The following EGLN3 variants were observed in gnomAD, a reference collection of about 807,000 sequenced individuals.
EGLN3 encodes the protein egl-9 family hypoxia inducible factor 3.
In EGLN3, 15 loss-of-function variants were observed where a neutral mutation model predicts 26.0. That is an observed-to-expected ratio of 0.58 (90% CI 0.39 to 0.89). The LOEUF is 0.89. Among genes scored for constraint, EGLN3 ranks in the 40% least tolerant of loss-of-function variants. The pLI is 0.00. For missense variants in EGLN3, 238 were observed against 311.6 expected (o/e 0.76, Z 1.78); for synonymous variants, 147 against 127.2 (o/e 1.16, Z -1.05).
At chr14:33,945,461 C>A (rs1223436549) in intron 1 of EGLN3, among the ~76,000 whole-genome samples, 4 of 152,130 alleles carry the variant, frequency 2.6e-5, no homozygotes, top group Non-Finnish European at 4.4e-5. Flanking sequence ...TTCTCCCAGG[C>A]GATGAAAACA....
chr14:33,933,665 A>G (rs1437825237), intron 1 of EGLN3, among the ~76,000 whole-genome samples: 4 of 152,254 alleles, frequency 2.6e-5, no homozygotes, highest in African/African-American at 7.2e-5. Flanking sequence ...GCTTGGGCAC[A>G]TTCCCAACTA....
chr14:33,930,994 G>C, intron 2 of EGLN3, 102 bp downstream of exon 2: 1 of 1,487,406 alleles, frequency 6.7e-7, no homozygotes, highest in Non-Finnish European at 9.1e-7. Flanking sequence ...ATCAGTGGGA[G>C]ATACGGCAAC....
chr14:33,930,564 T>C (rs1476683388), intron 2 of EGLN3, among the ~76,000 whole-genome samples: 1 of 152,306 alleles, frequency 6.6e-6, no homozygotes, highest in African/African-American at 2.4e-5. Context: ...CTATAAGTTC[T>C]ATAATACAAA....
In EGLN3 at chr14:33,924,667, C is replaced by CT. The variant is rs972152515; in HGVS notation, c.*1223dup. On this transcript the variant is annotated 3_prime_UTR_variant, in exon 5 of 5. Transcript: ENST00000250457. ...TAATACTGAAAACTAGGAAAAGTAGCTTTTGCAAAATACGTGCTCAATACC... is the reference window on the plus strand; with the variant it reads ...TAATACTGAAAACTAGGAAAAGTAGCTTTTTGCAAAATACGTGCTCAATACC... 1.4e-4 allele frequency: 22 copies of CT among 152,004 alleles called. 1 individual carries two copies. Among genetic ancestry groups the CT allele is most frequent in the African/African-American group, 4.6e-4 (19 of 41,402 alleles). 9.4% of individuals were successfully genotyped at this position (152,004 alleles called of 1,614,324 possible).
At chr14:33,940,075 G>A (rs1056287140) in intron 1 of EGLN3, among the ~76,000 whole-genome samples, 8 of 152,118 alleles carry the variant, frequency 5.3e-5, no homozygotes, top group African/African-American at 1.9e-4. Context: ...TAAACTCAAA[G>A]ATCCAAAGGG....
rs1181887489 is a variant in EGLN3 at position 33,925,931 on chromosome 14, G to C, written c.689-9C>G. On this transcript the variant is annotated splice_polypyrimidine_tract_variant and intron_variant, in intron 4 of 4. Transcript: ENST00000250457. ...GGCAGATTCAGTTTTCCCTGGGTTGGGGACAGAAAGGAGAATAAAGAGGGT... is the reference window on the plus strand; with the variant it reads ...GGCAGATTCAGTTTTCCCTGGGTTGCGGACAGAAAGGAGAATAAAGAGGGT... 1 of 1,593,304 alleles carries C rather than the reference G, an allele frequency of 6.3e-7. No individual in the cohort carries two copies. Among genetic ancestry groups the C allele is most frequent in the East Asian group, 2.3e-5 (1 of 44,420 alleles).
chr14:33,950,001 G>A (rs976332784), intron 1 of EGLN3: 2 of 462,106 alleles, frequency 4.3e-6, no homozygotes, highest in Non-Finnish European at 3.8e-6. Flanking sequence ...GTATTAGGTG[G>A]CTTTAAAGTA....
In EGLN3 at chr14:33,940,246, C is replaced by A. The variant is rs547331813; in HGVS notation, c.358-9031G>T. Among the ~76,000 whole-genome samples, 14 of 152,296 alleles carry A rather than the reference C, an allele frequency of 9.2e-5. 1 individual carries two copies. The highest frequency in any genetic ancestry group is 3.4e-3 in the Middle Eastern group (1 of 294). ...ATAGGCCTCAAATGCAGTTGTCTTG[C>A]CAAAGGCCAGACATTCACCTCCATT... On this transcript the variant is annotated intron_variant, in intron 1 of 4. Coordinates refer to ENST00000250457, the MANE Select transcript of EGLN3 (RefSeq NM_022073.4).
intron 1 of EGLN3, among the ~76,000 whole-genome samples, chr14:33,938,444 G>A (rs936520562): frequency 6.6e-6 from 1 of 152,202 alleles, no homozygotes; most frequent in African/African-American, 2.4e-5. Context: ...CCTTCCCGTG[G>A]AGGACTGGCT....
chr14:33,931,429 T>A (rs1361268081), intron 1 of EGLN3: 1 of 573,802 alleles, frequency 1.7e-6, no homozygotes, highest in Admixed American at 3.4e-5. Context: ...TGGAAAGTAG[T>A]TCAACAATAT....
intron 1 of EGLN3, among the ~76,000 whole-genome samples, chr14:33,939,527 G>A (rs1329050430): frequency 6.6e-6 from 1 of 152,006 alleles, no homozygotes; most frequent in Non-Finnish European, 1.5e-5. Flanking sequence ...TCTTAAAACA[G>A]GAGAAACCTA....
At chr14:33,949,995 T>TA (rs1325414691) in intron 1 of EGLN3, 1 of 445,298 alleles carries the variant, frequency 2.2e-6, no homozygotes, top group African/African-American at 2.0e-5. Context: ...AGGGCAGTAT[T>TA]AGGTGGCTTT....
chr14:33,946,045 C>G (rs1447040618), intron 1 of EGLN3, among the ~76,000 whole-genome samples: 1 of 152,106 alleles, frequency 6.6e-6, no homozygotes. Context: ...GTCAGGAATC[C>G]TACGAACAAA....
At chr14:33,936,956 C>G (rs1327171635) in intron 1 of EGLN3, among the ~76,000 whole-genome samples, 1 of 152,172 alleles carries the variant, frequency 6.6e-6, no homozygotes, top group Non-Finnish European at 1.5e-5. Context: ...GAAAAGCAAA[C>G]TGGAATTACT....
At chr14:33,950,360 G>A (rs1297263528) in intron 1 of EGLN3, 36 bp downstream of exon 1, 2 of 1,600,480 alleles carry the variant, frequency 1.2e-6, no homozygotes, top group South Asian at 1.1e-5. Flanking sequence ...CCGTCCCCGC[G>A]GGAGCAGCTG....
At chr14:33,941,990 G>A (rs1859326324) in intron 1 of EGLN3, among the ~76,000 whole-genome samples, 1 of 152,172 alleles carries the variant, frequency 6.6e-6, no homozygotes, top group Non-Finnish European at 1.5e-5. Context: ...CAGATGTAGA[G>A]GGCTGTCAAA....
At chr14:33,937,406 C>T (rs543189052) in intron 1 of EGLN3, among the ~76,000 whole-genome samples, 1 of 152,290 alleles carries the variant, frequency 6.6e-6, no homozygotes, top group Admixed American at 6.5e-5. Context: ...AAGAGCAAGC[C>T]TAGCTATTCT....
At chr14:33,950,281 T>G in intron 1 of EGLN3, 115 bp downstream of exon 1, 1 of 1,016,210 alleles carries the variant, frequency 9.8e-7, no homozygotes, top group Non-Finnish European at 1.5e-6. Context: ...CCAGGCTGAC[T>G]TCTTGGTTAA....
At chr14:33,950,193 C>A (rs2064547149) in intron 1 of EGLN3, 3 of 610,070 alleles carry the variant, frequency 4.9e-6, no homozygotes, top group Non-Finnish European at 8.8e-6. Context: ...CATCATGGTT[C>A]ACCTGAGCCC....
Sources: allele counts gnomAD v4.1 joint callset (sites outside exome capture counted in the v4.1 genomes callset), GRCh38; gene constraint gnomAD v4.1.1; transcripts MANE v1.5; gene names NCBI Gene and HGNC (gene_info 2026-07-23, HGNC 2026-07-21).